PTPRD: variants seen among roughly 807,000 people sequenced by gnomAD.
PTPRD encodes receptor-type tyrosine-protein phosphatase delta.
PTPRD carries 34 observed loss-of-function variants against 214.5 expected under a neutral mutation model. That is an observed-to-expected ratio of 0.16 (90% CI 0.12 to 0.21). The LOEUF (loss-of-function observed/expected upper bound fraction) is 0.21. PTPRD is among the 10% of genes least tolerant of loss of function. The probability of loss-of-function intolerance (pLI) is 1.00; values close to 1 mark genes in which losing one functional copy is unlikely to be tolerated. For missense variants in PTPRD, 2,545 were observed against 2,398.7 expected (o/e 1.06, Z -1.27); for synonymous variants, 1,128 against 845.7 (o/e 1.33, Z -5.79).
chr9:9,194,441 G>C (rs925534627), intron 9 of PTPRD, among the ~76,000 whole-genome samples: 3 of 152,094 alleles, frequency 2.0e-5, no homozygotes, highest in South Asian at 2.1e-4. Context: ...GCAGTGCATA[G>C]GTTTGTTTAC....
intron 9 of PTPRD, among the ~76,000 whole-genome samples, chr9:9,348,860 T>C (rs1022288495): frequency 5.3e-5 from 8 of 152,148 alleles, no homozygotes; most frequent in Admixed American, 4.6e-4. Flanking sequence ...CCCTCTGTAC[T>C]ACAACAATCT....
At chr9:9,735,662 A>G (rs774747307) in intron 6 of PTPRD, among the ~76,000 whole-genome samples, 16 of 152,068 alleles carry the variant, frequency 1.1e-4, no homozygotes, top group Non-Finnish European at 1.6e-4. Flanking sequence ...GAGAAGATCA[A>G]TGCTTCACTT....
intron 4 of PTPRD, among the ~76,000 whole-genome samples, chr9:9,971,203 G>A (rs1268834100): frequency 6.6e-6 from 1 of 152,060 alleles, no homozygotes; most frequent in East Asian, 1.9e-4. Flanking sequence ...AAAACATCAG[G>A]TAAGATTTAA....
chr9:8,565,223 G>T (rs13285747), intron 14 of PTPRD, among the ~76,000 whole-genome samples: 3,348 of 152,086 alleles, frequency 0.022, 125 homozygotes, highest in African/African-American at 0.075. Context: ...CTGGAGGACC[G>T]GGGAGTTTAC....
intron 4 of PTPRD, among the ~76,000 whole-genome samples, chr9:9,955,382 ATTCT>A (rs1172582856): frequency 2.0e-5 from 3 of 151,968 alleles, no homozygotes; most frequent in South Asian, 4.2e-4. Context: ...CCTTTTTGTG[ATTCT>A]TTATCATTTT....
At chr9:8,750,415 C>T (rs1435006922) in intron 11 of PTPRD, among the ~76,000 whole-genome samples, 1 of 152,082 alleles carries the variant, frequency 6.6e-6, no homozygotes, top group Admixed American at 6.5e-5. Context: ...ACCTTGGCCA[C>T]CGAAAGTGCT....
chr9:8,671,776 A>T (rs894232629), intron 12 of PTPRD, among the ~76,000 whole-genome samples: 3 of 152,162 alleles, frequency 2.0e-5, no homozygotes, highest in African/African-American at 7.2e-5. Flanking sequence ...CTTTTAGAAA[A>T]CACGCCGCGT....
At chr9:9,458,080 G>C (rs1036201644) in intron 8 of PTPRD, among the ~76,000 whole-genome samples, 4 of 151,348 alleles carry the variant, frequency 2.6e-5, no homozygotes, top group African/African-American at 9.8e-5. Flanking sequence ...GATTTAGTTA[G>C]ATTTTCTTTA....
At chr9:9,227,905 T>C (rs1188709093) in intron 9 of PTPRD, among the ~76,000 whole-genome samples, 2 of 152,144 alleles carry the variant, frequency 1.3e-5, no homozygotes, top group East Asian at 3.9e-4. Flanking sequence ...GCTAAGCTGT[T>C]CTTAAATTCC....
intron 3 of PTPRD, among the ~76,000 whole-genome samples, chr9:10,070,879 G>C (rs2097996239): frequency 6.6e-6 from 1 of 151,922 alleles, no homozygotes; most frequent in Non-Finnish European, 1.5e-5. Flanking sequence ...AAAAAATAGA[G>C]TCATGAGTCC....
intron 8 of PTPRD, among the ~76,000 whole-genome samples, chr9:9,413,346 C>T (rs1486369847): frequency 6.6e-6 from 1 of 150,680 alleles, no homozygotes; most frequent in East Asian, 2.0e-4. Flanking sequence ...GATCTCCTGA[C>T]CTCATGATCC....
intron 9 of PTPRD, among the ~76,000 whole-genome samples, chr9:9,358,528 G>A (rs1486299565): frequency 1.3e-5 from 2 of 151,226 alleles, no homozygotes; most frequent in East Asian, 3.9e-4. Context: ...TAAAATGAAT[G>A]TCATATTTTT....
intron 12 of PTPRD, among the ~76,000 whole-genome samples, chr9:8,675,310 T>C (rs563067005): frequency 2.6e-5 from 4 of 151,990 alleles, no homozygotes; most frequent in Non-Finnish European, 5.9e-5. Flanking sequence ...TGCTATGAAA[T>C]GGAAATACAA....
intron 37 of PTPRD, among the ~76,000 whole-genome samples, chr9:8,384,751 C>T (rs1313725983): frequency 6.6e-6 from 1 of 152,154 alleles, no homozygotes; most frequent in Non-Finnish European, 1.5e-5. Flanking sequence ...GTCTCGAACT[C>T]CTGACCTCAG....
chr9:8,335,780 A>ACTT (rs1194716114), intron 43 of PTPRD, among the ~76,000 whole-genome samples: 1 of 152,200 alleles, frequency 6.6e-6, no homozygotes, highest in South Asian at 2.1e-4. Flanking sequence ...CTGATAAGAA[A>ACTT]CTTCAGCAAA....
chr9:8,379,366 C>G (rs1217198441), intron 37 of PTPRD, among the ~76,000 whole-genome samples: 2 of 151,460 alleles, frequency 1.3e-5, no homozygotes, highest in African/African-American at 4.9e-5. Context: ...CGATCTCATT[C>G]TCTGAGTAGC....
In PTPRD at chr9:8,733,871, G is replaced by A. The variant is rs1412305682; in HGVS notation, c.-28C>T. 8.4e-6 allele frequency: 13 copies of A among 1,548,894 alleles called. No homozygotes were observed. In the East Asian group the frequency reaches 1.5e-4, roughly 17 times the overall value. ...TGCAGCTTGGCAGCAGCGTGCGCGA[G>A]CAGCTTGGAATCACTGCCTCCGGAG... On this transcript the variant is annotated 5_prime_UTR_variant, in exon 12 of 46. Coordinates refer to ENST00000381196, the MANE Select transcript of PTPRD (RefSeq NM_002839.4).
chr9:9,913,927 C>A (rs1421878160), intron 5 of PTPRD, among the ~76,000 whole-genome samples: 2 of 152,180 alleles, frequency 1.3e-5, no homozygotes, highest in Non-Finnish European at 2.9e-5. Flanking sequence ...TGGGGGCCAA[C>A]ACAGGGCACC....
chr9:9,894,233 T>C (rs2074292429), intron 5 of PTPRD, among the ~76,000 whole-genome samples: 1 of 151,982 alleles, frequency 6.6e-6, no homozygotes, highest in Admixed American at 6.6e-5. Flanking sequence ...CTGTTATGGG[T>C]CTCTCAAATC....
Sources: allele counts gnomAD v4.1 joint callset (sites outside exome capture counted in the v4.1 genomes callset), GRCh38; gene constraint gnomAD v4.1.1; transcripts MANE v1.5; gene names NCBI Gene and HGNC (gene_info 2026-07-23, HGNC 2026-07-21).